Variants in WHRN observed in about 807,000 individuals in gnomAD.
WHRN encodes CASK-interacting protein CIP98.
In WHRN, 41 loss-of-function variants were observed where a neutral mutation model predicts 68.3. The observed-to-expected ratio is 0.60, with a 90% confidence interval of 0.47 to 0.78. The LOEUF (loss-of-function observed/expected upper bound fraction) is 0.78, where lower values mean the gene tolerates loss of function less well. WHRN is among the 30% of genes least tolerant of loss of function. The pLI, the probability that WHRN is intolerant of heterozygous loss-of-function variation, is 0.00. For missense variants in WHRN, 1,243 were observed against 1,244.7 expected, an observed-to-expected ratio of 1.00 and a Z score of 0.02; for synonymous variants, 560 against 561.3, an observed-to-expected ratio of 1.00 and a Z score of 0.03.
In WHRN at chr9:114,504,776, G is replaced by C. The variant is rs776268964; in HGVS notation, c.26C>G (p.Ser9Trp). 2.7e-6 allele frequency: 4 copies of C among 1,480,048 alleles called. No homozygotes were observed. In the African/African-American group the frequency reaches 4.4e-5, roughly 16 times the overall value. The allele number at this position is 1,480,048 out of a possible 1,614,324, so 91.7% of individuals were successfully genotyped here. The change falls in exon 1 of 12, where the codon TCG becomes TGG. Residue 9 changes from serine to tryptophan, a missense_variant. Transcript: ENST00000362057. ...CGAGCCGGTGGAGGACGAGCTCACC[G>C]ACAGGCCGTCCAGCGGCGCGTTCAT... Reference protein sequence around the residue: MNAPLDGLSVSSSSTGSLG... With the variant: MNAPLDGLWVSSSSTGSLG...
rs1233031355 is a variant in WHRN, at chr9:114,403,201, G to A, written c.2541+16C>T. ...GGGGTAGGGAGAGATGGCAAGTGGGGCCCCTGGGGACATACCTGAATAGTG... is the reference window on the plus strand; with the variant it reads ...GGGGTAGGGAGAGATGGCAAGTGGGACCCCTGGGGACATACCTGAATAGTG... On this transcript the variant is annotated intron_variant, in intron 11 of 11. Transcript: ENST00000362057. The A allele has an allele frequency of 7.4e-6, 12 of 1,614,052 alleles. No homozygotes were observed. The East Asian group carries it at 1.1e-4, about 15-fold the overall frequency.
At chr9:114,437,344 A>G (rs773255013) in intron 3 of WHRN, among the ~76,000 whole-genome samples, 1 of 152,230 alleles carries the variant, frequency 6.6e-6, no homozygotes, top group Non-Finnish European at 1.5e-5. Context: ...GGGCATAAGG[A>G]AACATGTAAC....
chr9:114,449,510 C>A (rs1042773930), intron 3 of WHRN, among the ~76,000 whole-genome samples: 10 of 152,224 alleles, frequency 6.6e-5, no homozygotes, highest in Non-Finnish European at 1.0e-4. Context: ...CTACCAAGGG[C>A]CGCTGTAAAG....
chr9:114,456,743 C>T (rs4979395), intron 3 of WHRN, among the ~76,000 whole-genome samples: 111,696 of 151,204 alleles, frequency 0.74, 41,470 homozygotes, highest in East Asian at 0.97. Context: ...GCAGGAGAAT[C>T]GCTTGAACCC....
At chr9:114,405,309 C>G (rs576926530) in intron 9 of WHRN, among the ~76,000 whole-genome samples, 1 of 152,196 alleles carries the variant, frequency 6.6e-6, no homozygotes, top group Non-Finnish European at 1.5e-5. Flanking sequence ...ATCCTGACCT[C>G]AAATGACCTG....
At chr9:114,447,146 C>T (rs1024709130) in intron 3 of WHRN, among the ~76,000 whole-genome samples, 1 of 152,190 alleles carries the variant, frequency 6.6e-6, no homozygotes, top group African/African-American at 2.4e-5. Context: ...AGAGGCTCAG[C>T]AAGAACCTGC....
intron 2 of WHRN, among the ~76,000 whole-genome samples, chr9:114,470,751 C>A (rs76537552): frequency 0.016 from 2,463 of 152,226 alleles, 58 homozygotes; most frequent in African/African-American, 0.057. Flanking sequence ...ACAAGCCAGG[C>A]CCGGCCTGGG....
At chr9:114,462,131 G>A (rs576180704) in intron 3 of WHRN, among the ~76,000 whole-genome samples, 2 of 152,318 alleles carry the variant, frequency 1.3e-5, no homozygotes, top group South Asian at 4.1e-4. Flanking sequence ...GAAACAGAGT[G>A]AAGAACATTC....
chr9:114,448,573 T>C (rs1839039359), intron 3 of WHRN, among the ~76,000 whole-genome samples: 1 of 152,166 alleles, frequency 6.6e-6, no homozygotes, highest in Non-Finnish European at 1.5e-5. Context: ...CTGTGCCTTC[T>C]GAAACTGGGC....
rs1458899892 is a variant in WHRN, at chr9:114,403,988, G to A, written c.2326C>T (p.Pro776Ser). The change falls in exon 10 of 12, where the codon CCA (proline) becomes TCA (serine). Residue 776 changes from proline (P) to serine (S), a missense_variant. Transcript: ENST00000362057. The part of the protein sequence containing the change: ...VDAGEAEASA[P>S]GRGRQSVSTK... Reference sequence around the variant, plus strand: ...GACACCGACTGCCTTCCTCGGCCTGGGGCGCTGGCCTCTGCCTCGCCAGCA... The same window carrying A: ...GACACCGACTGCCTTCCTCGGCCTGAGGCGCTGGCCTCTGCCTCGCCAGCA... The A allele has an allele frequency of 1.2e-6, 2 of 1,612,630 alleles. No individual in the cohort carries two copies. The highest frequency in any genetic ancestry group is 1.3e-5 in the African/African-American group (1 of 75,062).
chr9:114,422,637 C>G (rs996024387), intron 7 of WHRN, among the ~76,000 whole-genome samples: 3 of 152,032 alleles, frequency 2.0e-5, no homozygotes, highest in Non-Finnish European at 4.4e-5. Context: ...AGTTCGAGAC[C>G]AGCCTGGCTA....
intron 3 of WHRN, among the ~76,000 whole-genome samples, chr9:114,440,819 T>A (rs1489921079): frequency 6.6e-6 from 1 of 152,190 alleles, no homozygotes; most frequent in Non-Finnish European, 1.5e-5. Context: ...AAATTGCATA[T>A]CATAGTAAAA....
Position 114,402,818 on chromosome 9 carries a change from G to A in WHRN, c.2660C>T (p.Ala887Val). The stretch of plus-strand genomic sequence containing the variant: ...GTAGTCACGGTCCTTAGTCTTGAAG[G>A]CCTCGGCGATAATGCGGGCGGCCTC... ...HREAARIIAE[A>V]FKTKDRDYID... is the part of the protein sequence containing the mutation. Residue 887 changes from alanine (A) to valine (V), a missense_variant, in exon 12 of 12, where the codon GCC becomes GTC. Coordinates refer to ENST00000362057, the MANE Select transcript of WHRN (RefSeq NM_015404.4). 1.2e-6 allele frequency: 2 copies of A among 1,614,110 alleles called. No individual in the cohort carries two copies. Among genetic ancestry groups the A allele is most frequent in the Non-Finnish European group, 8.5e-7 (1 of 1,180,026 alleles).
intron 2 of WHRN, 160 bp downstream of exon 2, chr9:114,478,393 A>C: frequency 1.3e-6 from 1 of 797,988 alleles, no homozygotes; most frequent in African/African-American, 1.7e-5. Context: ...TCAAAAAGAA[A>C]AGCAAAGAAA....
rs750597763 is a variant in WHRN at position 114,406,682 on chromosome 9, G to T, written c.1909C>A (p.Pro637Thr). 15 of 1,614,056 alleles carry T rather than the reference G, an allele frequency of 9.3e-6. No homozygotes were observed. Among genetic ancestry groups the T allele is most frequent in the Non-Finnish European group, 1.0e-5 (12 of 1,180,036 alleles). The stretch of plus-strand genomic sequence containing the variant: ...AAGTCCTGTGCAGAGGAGGTCCCTG[G>T]GGTGGGTGCGGTGCCCGCTGGCGGG... ...RSPPAGTAPTPGTSSAQDLPS... is the reference protein window; with the variant it reads ...RSPPAGTAPTTGTSSAQDLPS... Residue 637 changes from proline to threonine, a missense_variant, in exon 9 of 12, where the codon CCA (proline) becomes ACA (threonine). Coordinates refer to ENST00000362057, the MANE Select transcript of WHRN (RefSeq NM_015404.4).
At chr9:114,430,356 C>T (rs1422331539) in intron 3 of WHRN, among the ~76,000 whole-genome samples, 1 of 152,182 alleles carries the variant, frequency 6.6e-6, no homozygotes, top group Admixed American at 6.5e-5. Context: ...TTGCATAGGG[C>T]ATATACATAC....
chr9:114,465,759 C>G (rs577086657), intron 3 of WHRN, among the ~76,000 whole-genome samples: 6 of 152,304 alleles, frequency 3.9e-5, no homozygotes, highest in Non-Finnish European at 8.8e-5. Flanking sequence ...GTTTCCCCAA[C>G]TGGAAAATGT....
chr9:114,446,292 G>C (rs936331673), intron 3 of WHRN, among the ~76,000 whole-genome samples: 1 of 152,112 alleles, frequency 6.6e-6, no homozygotes, highest in East Asian at 1.9e-4. Flanking sequence ...CAAAATAGGC[G>C]TATCTAGAGA....
chr9:114,449,158 A>C (rs1175226377), intron 3 of WHRN, among the ~76,000 whole-genome samples: 1 of 152,210 alleles, frequency 6.6e-6, no homozygotes, highest in Non-Finnish European at 1.5e-5. Flanking sequence ...AGATTCAGTA[A>C]ACCATATGTA....
Sources: allele counts gnomAD v4.1 joint callset (sites outside exome capture counted in the v4.1 genomes callset), GRCh38; gene constraint gnomAD v4.1.1; transcripts MANE v1.5; gene names NCBI Gene and HGNC (gene_info 2026-07-23, HGNC 2026-07-21).